GOLGA5: variants seen among roughly 807,000 people sequenced by gnomAD.
GOLGA5 encodes golgin subfamily A member 5.
A neutral mutation model predicts 93.5 loss-of-function variants in GOLGA5; 50 were observed. The observed-to-expected ratio is 0.53, with a 90% CI of 0.43 to 0.68. GOLGA5 has a LOEUF of 0.68. Among genes scored for constraint, GOLGA5 ranks in the 30% least tolerant of loss-of-function variants. GOLGA5 has a pLI of 0.00. For synonymous variants in GOLGA5, 312 were observed against 304.5 expected (o/e 1.02, Z -0.26); for missense variants, 760 against 856.4 (o/e 0.89, Z 1.40).
intron 2 of GOLGA5, among the ~76,000 whole-genome samples, chr14:92,802,354 A>G (rs143159407): frequency 5.3e-5 from 8 of 152,220 alleles, no homozygotes; most frequent in Admixed American, 5.2e-4. Context: ...TTGTGTGTAC[A>G]TACATAGCAA....
intron 8 of GOLGA5, 87 bp downstream of exon 8, chr14:92,819,923 T>G: frequency 1.5e-6 from 2 of 1,335,852 alleles, no homozygotes; most frequent in East Asian, 2.4e-5. Flanking sequence ...TTACTGAAAT[T>G]TTTAGAGTAT....
intron 5 of GOLGA5, among the ~76,000 whole-genome samples, chr14:92,811,102 A>G (rs75372767): frequency 0.026 from 3,957 of 152,352 alleles, 76 homozygotes; most frequent in South Asian, 0.064. Flanking sequence ...AAAGTTATTA[A>G]TGAGATATTT....
chr14:92,811,442 T>G, intron 5 of GOLGA5, 109 bp from the exon 6 acceptor site: 4 of 774,118 alleles, frequency 5.2e-6, no homozygotes, highest in Non-Finnish European at 6.6e-6. Flanking sequence ...ATCCCTACTA[T>G]GTTGTTTGGC....
At chr14:92,794,563 GGTCGCGC>G (rs1566950352) in intron 1 of GOLGA5, 107 bp downstream of exon 1, 1 of 152,358 alleles carries the variant, frequency 6.6e-6, no homozygotes, top group African/African-American at 2.4e-5. Flanking sequence ...TTTTCTTTCG[GGTCGCGC>G]TCATCTTCGC....
intron 10 of GOLGA5, among the ~76,000 whole-genome samples, chr14:92,835,248 ACTC>A (rs1410898313): frequency 1.3e-5 from 2 of 151,928 alleles, no homozygotes; most frequent in Admixed American, 6.6e-5. Context: ...ACCCGGCCTC[ACTC>A]CTCCTCACAT....
In GOLGA5 at chr14:92,818,021, TA is replaced by T. The variant is rs199890919; in HGVS notation, c.1491+1602del. Reference sequence around the variant, plus strand: ...ATTCATTAAAGTAGGATTTTTTTTTTAATCTGTGAATTTGAATTCCAAAGAA... The same window carrying T: ...ATTCATTAAAGTAGGATTTTTTTTTTATCTGTGAATTTGAATTCCAAAGAA... On this transcript the variant is annotated intron_variant, in intron 7 of 12. Coordinates refer to ENST00000163416, the MANE Select transcript of GOLGA5 (RefSeq NM_005113.4). Among the ~76,000 whole-genome samples the T allele has an allele frequency of 5.3e-3, 813 of 152,282 alleles. 5 individuals are homozygous for T. The highest frequency in any genetic ancestry group is 0.019 in the African/African-American group (785 of 41,572).
chr14:92,794,948 G>A (rs554448248), intron 1 of GOLGA5, among the ~76,000 whole-genome samples: 2 of 152,306 alleles, frequency 1.3e-5, no homozygotes, highest in South Asian at 2.1e-4. Context: ...GAAGTCCTTC[G>A]TGTCTTTGAG....
chr14:92,806,092 G>GT (rs892690776), intron 2 of GOLGA5, among the ~76,000 whole-genome samples: 6 of 150,964 alleles, frequency 4.0e-5, no homozygotes, highest in African/African-American at 1.5e-4. Context: ...ACTTCTCCTG[G>GT]TTTTTTTTCC....
chr14:92,838,513 G>C (rs760602141), intron 12 of GOLGA5, among the ~76,000 whole-genome samples: 1 of 152,046 alleles, frequency 6.6e-6, no homozygotes, highest in Non-Finnish European at 1.5e-5. Context: ...GGCTACAGGC[G>C]CACGCCACTG....
intron 6 of GOLGA5, among the ~76,000 whole-genome samples, chr14:92,814,569 TA>T (rs552004921): frequency 2.6e-5 from 4 of 151,858 alleles, no homozygotes; most frequent in Non-Finnish European, 4.4e-5. Flanking sequence ...GGTTTTTTAT[TA>T]AAAAAAATCT....
At chr14:92,817,234 C>G (rs552647582) in intron 7 of GOLGA5, among the ~76,000 whole-genome samples, 4 of 152,160 alleles carry the variant, frequency 2.6e-5, no homozygotes, top group Admixed American at 6.5e-5. Flanking sequence ...AGCCACCATG[C>G]CCGACCAGGT....
chr14:92,805,524 G>A (rs1884965934), intron 2 of GOLGA5, among the ~76,000 whole-genome samples: 1 of 152,070 alleles, frequency 6.6e-6, no homozygotes, highest in Non-Finnish European at 1.5e-5. Context: ...GGAATTGCTG[G>A]GTGAAACGGT....
In GOLGA5 at chr14:92,810,380, T is replaced by C; in HGVS notation, c.1116+3T>C. ...AGGAGAGCTATAAACAGATGCAGGT[T>C]AGAATGAGAGACAGCAGATTCCTAT... On this transcript the variant is annotated splice_donor_region_variant and intron_variant, in intron 5 of 12. Coordinates refer to ENST00000163416, the MANE Select transcript of GOLGA5 (RefSeq NM_005113.4). 2 of 1,559,626 alleles carry C rather than the reference T, an allele frequency of 1.3e-6. No homozygotes were observed. Among genetic ancestry groups the C allele is most frequent in the Non-Finnish European group, 1.7e-6 (2 of 1,158,228 alleles).
At chr14:92,824,832 C>G (rs1469725607) in intron 9 of GOLGA5, among the ~76,000 whole-genome samples, 188 bp downstream of exon 9, 6 of 152,150 alleles carry the variant, frequency 3.9e-5, no homozygotes, top group Non-Finnish European at 8.8e-5. Flanking sequence ...TTGCTCTGTT[C>G]TATGATTTGC....
intron 11 of GOLGA5, among the ~76,000 whole-genome samples, chr14:92,835,885 A>T (rs939090785): frequency 2.0e-5 from 3 of 152,166 alleles, no homozygotes; most frequent in African/African-American, 7.2e-5. Context: ...GTCAGAAATT[A>T]TGTCAAGAGG....
intron 8 of GOLGA5, among the ~76,000 whole-genome samples, chr14:92,823,625 G>A (rs1359863505): frequency 6.6e-6 from 1 of 151,790 alleles, no homozygotes; most frequent in Non-Finnish European, 1.5e-5. Flanking sequence ...CTGTTGCTCA[G>A]GCTGGTCTTG....
chr14:92,807,295 C>CT (rs1224972449), intron 3 of GOLGA5, among the ~76,000 whole-genome samples: 46 of 144,342 alleles, frequency 3.2e-4, no homozygotes, highest in African/African-American at 1.1e-3. Flanking sequence ...GAGCAAGACT[C>CT]TATCTCAAAA....
intron 8 of GOLGA5, among the ~76,000 whole-genome samples, chr14:92,821,595 T>G (rs369831285): frequency 1.2e-4 from 19 of 152,252 alleles, no homozygotes; most frequent in Admixed American, 5.2e-4. Flanking sequence ...ACTATTCTTA[T>G]AATTCTCAGT....
rs369605230 is a variant in GOLGA5 at position 92,810,189 on chromosome 14, T to C, written c.993-65T>C. On this transcript the variant is annotated intron_variant, in intron 4 of 12. Coordinates refer to ENST00000163416, the MANE Select transcript of GOLGA5 (RefSeq NM_005113.4). Reference sequence around the variant, plus strand: ...TTGACTAAAGCTGACGCTCTAAAAATTATTCTGCCTTATCACTTGTACACT... The same window carrying C: ...TTGACTAAAGCTGACGCTCTAAAAACTATTCTGCCTTATCACTTGTACACT... The C allele has an allele frequency of 8.9e-5, 106 of 1,195,974 alleles. 1 individual carries two copies. In the East Asian group the frequency reaches 1.3e-3, roughly 14 times the overall value. The allele number at this position is 1,195,974 out of a possible 1,614,324, so 74.1% of individuals were successfully genotyped here.
Sources: allele counts gnomAD v4.1 joint callset (sites outside exome capture counted in the v4.1 genomes callset), GRCh38; gene constraint gnomAD v4.1.1; transcripts MANE v1.5; gene names NCBI Gene and HGNC (gene_info 2026-07-23, HGNC 2026-07-21).